The following TRPC5OS variants were observed in gnomAD, a reference collection of about 807,000 sequenced individuals.
The protein encoded by TRPC5OS is putative uncharacterized protein TRPC5OS.
For missense variants in TRPC5OS, 64 were observed against 79.3 expected (o/e 0.81, Z 0.73); for synonymous variants, 30 against 29.3 (o/e 1.02, Z -0.08).
intron 1 of TRPC5OS, among the ~76,000 whole-genome samples, chrX:111,876,791 G>A (rs918227144): frequency 1.8e-5 from 2 of 111,715 alleles, no homozygotes; most frequent in African/African-American, 3.3e-5. Context: ...AACTGGAACC[G>A]ACAAACTCAG....
At chrX:111,900,266 A>G (rs1332457193) in intron 3 of TRPC5OS, among the ~76,000 whole-genome samples, 1 of 112,086 alleles carries the variant, frequency 8.9e-6, no homozygotes, top group Non-Finnish European at 1.9e-5. Context: ...TAAAGGAGTT[A>G]TATAGATGAC....
At chrX:111,892,461 C>T (rs142841278) in intron 1 of TRPC5OS, among the ~76,000 whole-genome samples, 2,774 of 112,096 alleles carry the variant, frequency 0.025, 43 homozygotes, top group Non-Finnish European at 0.041. Context: ...GTGCAACTGG[C>T]AGTGTGTTGG....
intron 1 of TRPC5OS, among the ~76,000 whole-genome samples, chrX:111,886,677 A>G (rs1924512713): frequency 9.0e-6 from 1 of 111,679 alleles, no homozygotes; most frequent in Non-Finnish European, 1.9e-5. Flanking sequence ...TGGTATAATG[A>G]CATTCTGGAG....
intron 1 of TRPC5OS, among the ~76,000 whole-genome samples, chrX:111,885,080 A>G (rs1392439525): frequency 8.9e-6 from 1 of 112,962 alleles, no homozygotes; most frequent in Non-Finnish European, 1.9e-5. Flanking sequence ...AAGCCTAGTC[A>G]ACTCAGTGAA....
intron 3 of TRPC5OS, among the ~76,000 whole-genome samples, chrX:111,900,836 G>A (rs1004838118): frequency 1.4e-4 from 16 of 111,729 alleles, no homozygotes; most frequent in Non-Finnish European, 3.0e-4. Context: ...AAGTGTGGTG[G>A]GGAGTGGTAA....
intron 3 of TRPC5OS, among the ~76,000 whole-genome samples, chrX:111,899,034 A>G (rs1444772100): frequency 9.0e-6 from 1 of 110,698 alleles, no homozygotes; most frequent in Non-Finnish European, 1.9e-5. Context: ...GCATAAGCTG[A>G]TGCCACACTC....
chrX:111,884,377 G>A (rs1434789322), intron 1 of TRPC5OS, among the ~76,000 whole-genome samples: 3 of 112,436 alleles, frequency 2.7e-5, no homozygotes, highest in South Asian at 3.7e-4. Flanking sequence ...TTATTAAGGC[G>A]TAAACAGAGT....
intron 3 of TRPC5OS, among the ~76,000 whole-genome samples, chrX:111,901,001 A>G (rs1223090374): frequency 1.8e-5 from 2 of 111,607 alleles, no homozygotes; most frequent in Admixed American, 1.9e-4. Context: ...GCTTTAGATA[A>G]AGTTGGAAGA....
chrX:111,883,948 T>G (rs1323625445), intron 1 of TRPC5OS, among the ~76,000 whole-genome samples: 2 of 112,929 alleles, frequency 1.8e-5, no homozygotes, highest in Non-Finnish European at 3.7e-5. Context: ...GGCTTCAGCC[T>G]AGTTAAGTGT....
chrX:111,880,570 C>A (rs776445495), intron 1 of TRPC5OS, among the ~76,000 whole-genome samples: 1 of 112,247 alleles, frequency 8.9e-6, no homozygotes, highest in Non-Finnish European at 1.9e-5. Flanking sequence ...TCACTGTGTA[C>A]TTGAAAAGGT....
chrX:111,888,693 CAAAAAAAAA>C (rs753735549), intron 1 of TRPC5OS, among the ~76,000 whole-genome samples: 13 of 10,984 alleles, frequency 1.2e-3, no homozygotes, highest in Admixed American at 3.0e-3. Context: ...GACTCTATCT[CAAAAAAAAA>C]AAAAAAAAAA....
At position 111,902,231 on chromosome X, in the gene TRPC5OS, TTCTC is replaced by T. The variant is rs1462153658; in HGVS notation, c.*48_*51del. On this transcript the variant is annotated 3_prime_UTR_variant, in exon 4 of 4. Coordinates refer to ENST00000635763, the MANE Select transcript of TRPC5OS (RefSeq NM_001195578.2). ...CCCCAGGGATGTGAAAACTGATCAT[TTCTC>T]TGTTTTAATATATTCTTATTTTCTG... 1 of 855,409 alleles carries T rather than the reference TTCTC, an allele frequency of 1.2e-6. No homozygotes were observed. The highest frequency in any genetic ancestry group is 2.1e-5 in the African/African-American group (1 of 48,668). The allele number at this position is 855,409 out of a possible 1,213,427, so 70.5% of individuals were successfully genotyped here. A position where few individuals can be genotyped will look rare whatever the true frequency, so the allele number is the denominator to read the frequency against.
rs147230145 is a variant in TRPC5OS, at chrX:111,882,914, C to T, written c.-546+6641C>T. 6.2e-3 allele frequency among the ~76,000 whole-genome samples: 690 copies of T among 110,891 alleles called. 5 individuals carry two copies. Among genetic ancestry groups the T allele is most frequent in the African/African-American group, 0.021 (635 of 30,485 alleles). The stretch of plus-strand genomic sequence containing the variant: ...CAGCCTGACTAGCATGGTGAAACCC[C>T]GTCTCTACCAAAAATAAAAAAATTA... On this transcript the variant is annotated intron_variant, in intron 1 of 3. Coordinates refer to ENST00000635763, the MANE Select transcript of TRPC5OS (RefSeq NM_001195578.2).
intron 1 of TRPC5OS, among the ~76,000 whole-genome samples, chrX:111,886,099 G>A (rs1924479638): frequency 9.0e-6 from 1 of 111,501 alleles, no homozygotes; most frequent in Non-Finnish European, 1.9e-5. Flanking sequence ...GGCCAACATG[G>A]TGACACCCTG....
chrX:111,877,571 G>A (rs1924010802), intron 1 of TRPC5OS, among the ~76,000 whole-genome samples: 1 of 111,392 alleles, frequency 9.0e-6, no homozygotes, highest in Non-Finnish European at 1.9e-5. Flanking sequence ...GTGTAGGAAG[G>A]ACATCAGAGT....
rs749283330 is a variant in TRPC5OS at position 111,901,640 on chromosome X, G to T, written c.-210G>T. The T allele has an allele frequency of 9.8e-5, 32 of 326,668 alleles. No homozygotes were observed. The highest frequency in any genetic ancestry group is 1.6e-4 in the Non-Finnish European group (31 of 189,893). 26.9% of individuals were successfully genotyped at this position (326,668 alleles called of 1,213,427 possible). A position where few individuals can be genotyped will look rare whatever the true frequency, so the allele number is the denominator to read the frequency against. ...AACAAGAGTACCATACATAAATTCT[G>T]TGCGCGGTTTACCAACATCATCAAA... On this transcript the variant is annotated 5_prime_UTR_variant, in exon 4 of 4. Coordinates refer to ENST00000635763, the MANE Select transcript of TRPC5OS (RefSeq NM_001195578.2).
At chrX:111,876,777 G>A (rs761588479) in intron 1 of TRPC5OS, among the ~76,000 whole-genome samples, 12 of 111,997 alleles carry the variant, frequency 1.1e-4, no homozygotes, top group African/African-American at 3.6e-4. Flanking sequence ...ATGAAAAGAT[G>A]CAAAACTGGA....
chrX:111,893,576 C>G (rs1317759379), intron 1 of TRPC5OS, among the ~76,000 whole-genome samples: 2 of 112,188 alleles, frequency 1.8e-5, no homozygotes, highest in Non-Finnish European at 3.8e-5. Context: ...CAGCAATGAA[C>G]AAATTTGGAG....
chrX:111,886,565 C>T lies in TRPC5OS; in HGVS notation c.-545-9386C>T, dbSNP rs553286841. 5.1e-4 allele frequency among the ~76,000 whole-genome samples: 57 copies of T among 111,727 alleles called. No homozygotes were observed. In the South Asian group the frequency reaches 0.022, roughly 43 times the overall value. On this transcript the variant is annotated intron_variant, in intron 1 of 3. Transcript: ENST00000635763. ...TGACTTAGTAGGGTCAAGCCTCAACCACTCGATTTGGCGTGATCTTGGAAA... is the reference window on the plus strand; with the variant it reads ...TGACTTAGTAGGGTCAAGCCTCAACTACTCGATTTGGCGTGATCTTGGAAA...
Sources: allele counts gnomAD v4.1 joint callset (sites outside exome capture counted in the v4.1 genomes callset), GRCh38; gene constraint gnomAD v4.1.1; transcripts MANE v1.5; gene names NCBI Gene and HGNC (gene_info 2026-07-23, HGNC 2026-07-21).